Variants in ADGRL2 observed in about 807,000 individuals in gnomAD.
ADGRL2 encodes calcium-independent alpha-latrotoxin receptor 2.
A neutral mutation model predicts 157.4 loss-of-function variants in ADGRL2; 44 were observed. The observed-to-expected ratio is 0.28, with a 90% CI of 0.22 to 0.36. The LOEUF is 0.36. Ranked by LOEUF, ADGRL2 falls within the 10% of genes least tolerant of loss-of-function variation. The pLI, the probability that ADGRL2 is intolerant of heterozygous loss-of-function variation, is 1.00. For synonymous variants in ADGRL2, 585 were observed against 624.7 expected (o/e 0.94, Z 0.95); for missense variants, 1,510 against 1,768.9 (o/e 0.85, Z 2.63).
intron 2 of ADGRL2, among the ~76,000 whole-genome samples, chr1:81,789,590 G>C (rs984023323): frequency 6.6e-6 from 1 of 151,632 alleles, no homozygotes; most frequent in Non-Finnish European, 1.5e-5. Flanking sequence ...GCTGTGTGTG[G>C]TGGTGGGCGC....
intron 1 of ADGRL2, among the ~76,000 whole-genome samples, chr1:81,383,146 C>T (rs1468712509): frequency 6.6e-6 from 1 of 152,156 alleles, no homozygotes; most frequent in Non-Finnish European, 1.5e-5. Flanking sequence ...TGTTGAGCCG[C>T]ATTACAGGAA....
intron 3 of ADGRL2, among the ~76,000 whole-genome samples, chr1:81,686,177 T>C (rs1446525695): frequency 2.6e-5 from 4 of 152,194 alleles, no homozygotes; most frequent in African/African-American, 7.2e-5. Flanking sequence ...GGTTCCTTCT[T>C]TCTCTATCTT....
chr1:81,905,694 C>A (rs2094570351), intron 2 of ADGRL2, among the ~76,000 whole-genome samples: 1 of 152,130 alleles, frequency 6.6e-6, no homozygotes, highest in Non-Finnish European at 1.5e-5. Flanking sequence ...CTAGCATTTT[C>A]TAATAATAGA....
At chr1:81,357,460 C>T (rs1015445803) in intron 1 of ADGRL2, among the ~76,000 whole-genome samples, 2 of 152,092 alleles carry the variant, frequency 1.3e-5, no homozygotes, top group Non-Finnish European at 2.9e-5. Context: ...TTTTACCAGC[C>T]ATTTCTTTCA....
chr1:81,908,191 T>G (rs529743381), intron 3 of ADGRL2, among the ~76,000 whole-genome samples: 2 of 152,286 alleles, frequency 1.3e-5, no homozygotes, highest in African/African-American at 4.8e-5. Context: ...CTCAGTTTGT[T>G]TAAATACTCT....
intron 1 of ADGRL2, among the ~76,000 whole-genome samples, chr1:81,829,255 A>T (rs1036981681): frequency 6.6e-6 from 1 of 152,202 alleles, no homozygotes; most frequent in Admixed American, 6.5e-5. Context: ...TCAGGCTGAC[A>T]TGGGAAGCCA....
At chr1:81,625,695 T>C (rs538801026) in intron 3 of ADGRL2, 1 of 152,322 alleles carries the variant, frequency 6.6e-6, no homozygotes, top group African/African-American at 2.4e-5. Flanking sequence ...CAACAAAGTA[T>C]TAAAATTTTG....
At chr1:81,494,251 A>G (rs1490363682) in intron 2 of ADGRL2, among the ~76,000 whole-genome samples, 1 of 152,182 alleles carries the variant, frequency 6.6e-6, no homozygotes, top group Admixed American at 6.5e-5. Context: ...ATTCTCAGCA[A>G]TTTATCCATT....
chr1:81,773,570 T>C (rs1037679884), intron 2 of ADGRL2, among the ~76,000 whole-genome samples: 1 of 152,106 alleles, frequency 6.6e-6, no homozygotes, highest in Non-Finnish European at 1.5e-5. Context: ...TTTTGACAAT[T>C]AAGGTTCTGT....
chr1:81,355,516 T>C (rs542792496), intron 1 of ADGRL2, among the ~76,000 whole-genome samples: 39 of 152,318 alleles, frequency 2.6e-4, no homozygotes, highest in African/African-American at 9.4e-4. Context: ...ATAGACTTCT[T>C]TGGATTAATG....
chr1:81,640,673 T>TAAATAAATA (rs1205695549), intron 3 of ADGRL2, among the ~76,000 whole-genome samples: 1 of 98,874 alleles, frequency 1.0e-5, no homozygotes, highest in African/African-American at 3.9e-5. Context: ...ATAAATAAAT[T>TAAATAAATA]ACAGAAGCCA....
At chr1:81,724,544 C>T (rs2084446530) in intron 1 of ADGRL2, among the ~76,000 whole-genome samples, 1 of 152,038 alleles carries the variant, frequency 6.6e-6, no homozygotes, top group Non-Finnish European at 1.5e-5. Context: ...GCTTTCTTTC[C>T]CTCCCCTCCA....
chr1:81,456,610 C>T (rs187390324), intron 2 of ADGRL2, among the ~76,000 whole-genome samples: 62 of 152,042 alleles, frequency 4.1e-4, no homozygotes, highest in Admixed American at 6.6e-4. Flanking sequence ...GTATTTGGCC[C>T]CATAAATCCC....
At chr1:81,962,003 G>T (rs1655567919) in intron 11 of ADGRL2, among the ~76,000 whole-genome samples, 1 of 152,066 alleles carries the variant, frequency 6.6e-6, no homozygotes, top group African/African-American at 2.4e-5. Flanking sequence ...TTGCTCCAAT[G>T]TGTGCCTTTC....
intron 16 of ADGRL2, among the ~76,000 whole-genome samples, chr1:81,970,920 T>C (rs2149331348): frequency 6.6e-6 from 1 of 152,294 alleles, no homozygotes; most frequent in Middle Eastern, 3.4e-3. Context: ...TGACCCTCTA[T>C]AGCTAACTCT....
intron 2 of ADGRL2, among the ~76,000 whole-genome samples, chr1:81,768,945 C>A (rs1031813782): frequency 2.6e-5 from 4 of 152,156 alleles, no homozygotes; most frequent in Non-Finnish European, 4.4e-5. Context: ...ATTAGCCGGG[C>A]GCACTGGTGT....
At chr1:81,978,425 A>T (rs1558039124) in intron 17 of ADGRL2, among the ~76,000 whole-genome samples, 2 of 151,674 alleles carry the variant, frequency 1.3e-5, no homozygotes, top group Non-Finnish European at 1.5e-5. Flanking sequence ...ACATTATTAA[A>T]TTTTTTTTAA....
chr1:81,647,451 T>C (rs2082335652), intron 3 of ADGRL2, among the ~76,000 whole-genome samples: 2 of 152,206 alleles, frequency 1.3e-5, no homozygotes, highest in Non-Finnish European at 2.9e-5. Flanking sequence ...CCTGACCTCA[T>C]GTGCCATGTC....
At chr1:81,764,189 C>CA (rs34716755) in intron 2 of ADGRL2, among the ~76,000 whole-genome samples, 16,882 of 101,306 alleles carry the variant, frequency 0.17, 1,672 homozygotes, top group South Asian at 0.23. Context: ...GAGACTCTGT[C>CA]AAAAAAAAAA....
Sources: gnomAD v4.1 joint callset for allele counts (sites outside exome capture counted in the v4.1 genomes callset) on GRCh38, gnomAD v4.1.1 for gene constraint, MANE v1.5 for transcripts, NCBI Gene and HGNC (gene_info 2026-07-23, HGNC 2026-07-21) for gene names.